Variants in PDHX observed in about 807,000 individuals in gnomAD.
PDHX encodes pyruvate dehydrogenase complex component X.
Under a neutral mutation model 55.3 loss-of-function variants are expected in PDHX, and 33 were observed. The observed-to-expected ratio is 0.60, with a 90% CI of 0.45 to 0.80. The LOEUF is 0.80. PDHX is among the 30% of genes least tolerant of loss of function. PDHX has a pLI of 0.00. For synonymous variants in PDHX, 226 were observed against 219.4 expected (o/e 1.03, Z -0.27); for missense variants, 622 against 619.9 (o/e 1.00, Z -0.04).
In PDHX at chr11:34,990,713, T is replaced by G. The variant is rs528838384; in HGVS notation, c.1183-1602T>G. 2.0e-5 allele frequency among the ~76,000 whole-genome samples: 3 copies of G among 152,320 alleles called. No individual in the cohort carries two copies. In the East Asian group the frequency reaches 5.8e-4, roughly 29 times the overall value. Reference sequence around the variant, plus strand: ...CTGTATAAGTCAAAATTCATCTCATTTTTTACCTTGAATCCAAATAGTTTT... The same window carrying G: ...CTGTATAAGTCAAAATTCATCTCATGTTTTACCTTGAATCCAAATAGTTTT... On this transcript the variant is annotated intron_variant, in intron 9 of 10. Transcript: ENST00000227868.
chr11:34,970,656 G>A (rs1855238019), intron 7 of PDHX, among the ~76,000 whole-genome samples: 2 of 152,134 alleles, frequency 1.3e-5, no homozygotes, highest in African/African-American at 4.8e-5. Flanking sequence ...AAAAATACAG[G>A]TTGAGCAACC....
intron 9 of PDHX, among the ~76,000 whole-genome samples, chr11:34,987,406 C>T (rs1855669045): frequency 6.6e-6 from 1 of 152,082 alleles, no homozygotes. Flanking sequence ...ACACTGAGGC[C>T]TCTCATGAGA....
intron 7 of PDHX, among the ~76,000 whole-genome samples, chr11:34,972,965 T>C (rs901141416): frequency 6.6e-6 from 1 of 152,198 alleles, no homozygotes; most frequent in African/African-American, 2.4e-5. Context: ...TTTTTATTTT[T>C]GCAAAGGAAT....
chr11:34,953,689 G>C (rs893862598), intron 3 of PDHX, among the ~76,000 whole-genome samples: 1 of 152,068 alleles, frequency 6.6e-6, no homozygotes, highest in Non-Finnish European at 1.5e-5. Context: ...TTATTGATTT[G>C]GTAGCGATTA....
chr11:34,992,817 A>G (rs1343012710), intron 10 of PDHX, among the ~76,000 whole-genome samples: 1 of 152,156 alleles, frequency 6.6e-6, no homozygotes, highest in Non-Finnish European at 1.5e-5. Flanking sequence ...TGGTGCTATG[A>G]ACATTCTTAT....
chr11:34,966,581 A>C, intron 5 of PDHX, 59 bp from the exon 6 acceptor site: 1 of 1,531,610 alleles, frequency 6.5e-7, no homozygotes, highest in Non-Finnish European at 9.1e-7. Flanking sequence ...GCGTTTTCTG[A>C]AAGTTCTGTT....
chr11:34,963,357 C>T (rs1330642236), intron 5 of PDHX, among the ~76,000 whole-genome samples: 1 of 152,130 alleles, frequency 6.6e-6, no homozygotes, highest in Non-Finnish European at 1.5e-5. Flanking sequence ...TAGCTCACTG[C>T]AGCTTTGAAC....
Position 34,994,906 on chromosome 11 carries a change from C to T in PDHX, c.1248-8C>T, listed in dbSNP as rs766008159. 4 of 1,613,560 alleles carry T rather than the reference C, an allele frequency of 2.5e-6. No individual in the cohort carries two copies. Among genetic ancestry groups the T allele is most frequent in the Non-Finnish European group, 3.4e-6 (4 of 1,179,694 alleles). ...TGCCTCCTTCAGAGCTTTTTCTTTTCCCCCTAGTATTTCCAACTTGGGGAT... is the reference window on the plus strand; with the variant it reads ...TGCCTCCTTCAGAGCTTTTTCTTTTTCCCCTAGTATTTCCAACTTGGGGAT... On this transcript the variant is annotated splice_polypyrimidine_tract_variant and splice_region_variant and intron_variant, in intron 10 of 10. Transcript: ENST00000227868.
chr11:34,958,369 C>T (rs1854950526), intron 4 of PDHX, among the ~76,000 whole-genome samples: 1 of 152,030 alleles, frequency 6.6e-6, no homozygotes, highest in Non-Finnish European at 1.5e-5. Context: ...GGTGCAATCT[C>T]AGCTTACCGC....
rs1855823624 is a variant in PDHX, at chr11:34,994,779, T to C, written c.1248-135T>C. On this transcript the variant is annotated intron_variant, in intron 10 of 10. Transcript: ENST00000227868. ...AATTTATTTGTAAATACTAAATGTT[T>C]CCTTTTTTCATTACTCATATATTTT... 6 of 870,120 alleles carry C rather than the reference T, an allele frequency of 6.9e-6. No homozygotes were observed. The East Asian group carries it at 1.5e-4, about 22-fold the overall frequency. The allele number at this position is 870,120 out of a possible 1,614,324, so 53.9% of individuals were successfully genotyped here. A position where few individuals can be genotyped will look rare whatever the true frequency, so the allele number is the denominator to read the frequency against.
chr11:34,978,235 G>A, intron 8 of PDHX, 53 bp downstream of exon 8: 1 of 1,024,060 alleles, frequency 9.8e-7, no homozygotes. Context: ...TCATGTCGTG[G>A]AATTTTTACA....
intron 2 of PDHX, among the ~76,000 whole-genome samples, chr11:34,938,294 G>A (rs191784290): frequency 4.6e-4 from 70 of 152,230 alleles, no homozygotes; most frequent in African/African-American, 1.5e-3. Flanking sequence ...AGAGGGAAAT[G>A]GGAAGAGGTA....
chr11:34,946,240 A>G (rs544071976), intron 2 of PDHX, among the ~76,000 whole-genome samples: 4 of 151,586 alleles, frequency 2.6e-5, no homozygotes, highest in Non-Finnish European at 4.4e-5. Context: ...TTAATTTTTC[A>G]TTTTTAAGAT....
intron 3 of PDHX, among the ~76,000 whole-genome samples, chr11:34,955,142 G>A (rs933824018): frequency 6.6e-6 from 1 of 152,158 alleles, no homozygotes; most frequent in Non-Finnish European, 1.5e-5. Context: ...CATTTGAGGT[G>A]TCCTTAGCTC....
chr11:34,984,818 G>A lies in PDHX; in HGVS notation c.1182+90G>A, dbSNP rs977835220. The A allele has an allele frequency of 4.0e-6, 5 of 1,256,652 alleles. No homozygotes were observed. In the African/African-American group the frequency reaches 7.4e-5, roughly 18 times the overall value. The allele number at this position is 1,256,652 out of a possible 1,614,324, so 77.8% of individuals were successfully genotyped here. A position where few individuals can be genotyped will look rare whatever the true frequency, so the allele number is the denominator to read the frequency against. On this transcript the variant is annotated intron_variant, in intron 9 of 10. Coordinates refer to ENST00000227868, the MANE Select transcript of PDHX (RefSeq NM_003477.3). ...ATAAAGTTGTGACGTAATCTAGTCA[G>A]ACTGTGATTTTTGTGTGTGTGAAGG...
At chr11:34,964,835 T>G (rs1010704497) in intron 5 of PDHX, among the ~76,000 whole-genome samples, 1 of 144,374 alleles carries the variant, frequency 6.9e-6, no homozygotes, top group African/African-American at 2.5e-5. Flanking sequence ...ATAACTAATA[T>G]TAGCTAGCTA....
In PDHX at chr11:34,994,907, C is replaced by G. The variant is rs201172160; in HGVS notation, c.1248-7C>G. The G allele has an allele frequency of 6.2e-7, 1 of 1,613,668 alleles. No individual in the cohort carries two copies. Among genetic ancestry groups the G allele is most frequent in the African/African-American group, 1.3e-5 (1 of 74,964 alleles). ...GCCTCCTTCAGAGCTTTTTCTTTTC[C>G]CCCTAGTATTTCCAACTTGGGGATG... On this transcript the variant is annotated splice_polypyrimidine_tract_variant and splice_region_variant and intron_variant, in intron 10 of 10. Coordinates refer to ENST00000227868, the MANE Select transcript of PDHX (RefSeq NM_003477.3).
chr11:34,972,340 A>G (rs1397200708), intron 7 of PDHX, among the ~76,000 whole-genome samples: 8 of 151,472 alleles, frequency 5.3e-5, no homozygotes, highest in Admixed American at 4.6e-4. Context: ...ATATAAGCAT[A>G]TAGTACTCTT....
At chr11:34,991,334 T>C (rs562328351) in intron 9 of PDHX, among the ~76,000 whole-genome samples, 1 of 152,260 alleles carries the variant, frequency 6.6e-6, no homozygotes, top group Admixed American at 6.5e-5. Flanking sequence ...CTGAAATAAT[T>C]CAGAAGAAAC....
Sources: allele counts gnomAD v4.1 joint callset (sites outside exome capture counted in the v4.1 genomes callset), GRCh38; gene constraint gnomAD v4.1.1; transcripts MANE v1.5; gene names NCBI Gene and HGNC (gene_info 2026-07-23, HGNC 2026-07-21).